The following STK32A variants were observed in gnomAD, a reference collection of about 807,000 sequenced individuals.
STK32A encodes the protein serine/threonine kinase 32A, also known as serine/threonine-protein kinase 32A.
A neutral mutation model predicts 53.2 loss-of-function variants in STK32A; 41 were observed. That is an observed-to-expected ratio of 0.77 (90% CI 0.60 to 1.00). The LOEUF (loss-of-function observed/expected upper bound fraction) is 1.00. STK32A is among the 50% of genes least tolerant of loss of function. The probability of loss-of-function intolerance (pLI) is 0.00; values close to 1 mark genes in which losing one functional copy is unlikely to be tolerated. For synonymous variants in STK32A, 166 were observed against 162.8 expected, an observed-to-expected ratio of 1.02 and a Z score of -0.15; for missense variants, 458 against 485.8, an observed-to-expected ratio of 0.94 and a Z score of 0.54.
At chr5:147,342,554 A>G (rs540740029) in intron 5 of STK32A, 1 of 158,542 alleles carries the variant, frequency 6.3e-6, no homozygotes, top group Non-Finnish European at 1.4e-5. Flanking sequence ...TAACTACATT[A>G]TCAACCATAT....
At chr5:147,328,212 T>A (rs1754695993) in intron 5 of STK32A, among the ~76,000 whole-genome samples, 1 of 152,198 alleles carries the variant, frequency 6.6e-6, no homozygotes, top group Non-Finnish European at 1.5e-5. Flanking sequence ...TCCTCACTTG[T>A]TTCCCTGTGT....
At chr5:147,248,121 CAAA>C (rs34098316) in intron 2 of STK32A, among the ~76,000 whole-genome samples, 10,358 of 80,014 alleles carry the variant, frequency 0.13, 448 homozygotes, top group African/African-American at 0.19. Flanking sequence ...AACTCCGTCT[CAAA>C]AAAAAAAAAA....
intron 5 of STK32A, among the ~76,000 whole-genome samples, chr5:147,337,905 T>C (rs533867171): frequency 3.9e-5 from 6 of 152,094 alleles, no homozygotes; most frequent in Non-Finnish European, 8.8e-5. Context: ...GCTGTAGTTA[T>C]GAAAAGGAGA....
chr5:147,338,757 AT>A (rs985456325), intron 5 of STK32A, among the ~76,000 whole-genome samples: 2 of 152,164 alleles, frequency 1.3e-5, no homozygotes, highest in Non-Finnish European at 2.9e-5. Flanking sequence ...GACTGGTGAC[AT>A]TTTTCCCCTG....
Position 147,239,666 on chromosome 5 carries a change from T to C in STK32A, c.32T>C (p.Val11Ala), listed in dbSNP as rs763381833. 50 of 1,608,748 alleles carry C rather than the reference T, an allele frequency of 3.1e-5. No homozygotes were observed. The highest frequency in any genetic ancestry group is 3.1e-5 in the Non-Finnish European group (36 of 1,177,632). The change falls in exon 2 of 13, where the codon GTG (valine) becomes GCG (alanine). Residue 11 changes from valine to alanine, a missense_variant. By Grantham distance (64) the Val-to-Ala change is moderately conservative (BLOSUM62 0). Transcript: ENST00000397936. Reference sequence around the variant, plus strand: ...GCGAACACTTCAAGAAAACCACCAGTGTTTGATGAAAATGAAGATGGTAAG... The same window carrying C: ...GCGAACACTTCAAGAAAACCACCAGCGTTTGATGAAAATGAAGATGGTAAG... MGANTSRKPP[V>A]FDENEDVNFD...
chr5:147,396,674 T>C, the STK32A span, among the ~76,000 whole-genome samples: 1 of 152,010 alleles, frequency 6.6e-6, no homozygotes, highest in African/African-American at 2.4e-5. Flanking sequence ...AACCAAGAAC[T>C]CTACATCATC....
chr5:147,388,245 A>G (rs1757723338), downstream of STK32A, among the ~76,000 whole-genome samples: 1 of 152,154 alleles, frequency 6.6e-6, no homozygotes, highest in Non-Finnish European at 1.5e-5. Context: ...AGCAGCAGGC[A>G]GAAGTTCTAA....
At chr5:147,268,217 T>C (rs1045914791) in intron 2 of STK32A, among the ~76,000 whole-genome samples, 10 of 152,326 alleles carry the variant, frequency 6.6e-5, no homozygotes, top group Admixed American at 1.3e-4. Context: ...GTTTCATCTC[T>C]TTTCCTGAGA....
chr5:147,355,790 GTGTA>G (rs952976510), intron 7 of STK32A, among the ~76,000 whole-genome samples: 9 of 137,778 alleles, frequency 6.5e-5, no homozygotes, highest in African/African-American at 1.3e-4. Flanking sequence ...GAGTGTGTGT[GTGTA>G]TATATATATA....
intron 2 of STK32A, among the ~76,000 whole-genome samples, chr5:147,270,355 G>A: frequency 6.6e-6 from 1 of 151,634 alleles, no homozygotes; most frequent in East Asian, 2.0e-4. Flanking sequence ...TGGGACCACA[G>A]GCATGCATCA....
intron 11 of STK32A, chr5:147,383,148 CAAG>C (rs1757518240): frequency 2.5e-6 from 1 of 404,546 alleles, no homozygotes. Context: ...CTTTGCCACC[CAAG>C]CCTTCCCTGA....
At chr5:147,268,830 G>A (rs906404002) in intron 2 of STK32A, among the ~76,000 whole-genome samples, 4 of 152,174 alleles carry the variant, frequency 2.6e-5, no homozygotes, top group African/African-American at 9.7e-5. Flanking sequence ...GTGGTTGATG[G>A]GATCTGAGTT....
intron 11 of STK32A, among the ~76,000 whole-genome samples, chr5:147,376,206 C>A (rs1757224295): frequency 6.6e-6 from 1 of 152,166 alleles, no homozygotes; most frequent in African/African-American, 2.4e-5. Context: ...GGACAATTAA[C>A]CAACGTTCAC....
intron 5 of STK32A, among the ~76,000 whole-genome samples, chr5:147,326,727 A>G (rs979608078): frequency 6.6e-6 from 1 of 152,194 alleles, no homozygotes; most frequent in African/African-American, 2.4e-5. Flanking sequence ...TGGTCTTTAC[A>G]TTAATCATGT....
chr5:147,395,596 A>C, the STK32A span: 1 of 1,613,814 alleles, frequency 6.2e-7, no homozygotes, highest in Middle Eastern at 1.6e-4. Flanking sequence ...GATTCCTCAC[A>C]GGTGGGTTCG....
chr5:147,332,727 A>C (rs1378109555), intron 5 of STK32A, among the ~76,000 whole-genome samples: 1 of 152,184 alleles, frequency 6.6e-6, no homozygotes, highest in Admixed American at 6.5e-5. Flanking sequence ...CTCAAAACAA[A>C]ACGGCAGTGC....
chr5:147,393,713 C>A, the STK32A span: 14 of 242,798 alleles, frequency 5.8e-5, no homozygotes, highest in Non-Finnish European at 1.1e-4. Context: ...TGTCTGTCCC[C>A]TTGTCATAAG....
At chr5:147,288,989 T>C (rs1010303837) in intron 4 of STK32A, among the ~76,000 whole-genome samples, 2 of 152,182 alleles carry the variant, frequency 1.3e-5, no homozygotes, top group African/African-American at 2.4e-5. Context: ...TTTCCTTCCT[T>C]ACTTCATGAA....
intron 2 of STK32A, among the ~76,000 whole-genome samples, chr5:147,265,138 A>T (rs1754748270): frequency 7.8e-6 from 1 of 127,984 alleles, no homozygotes; most frequent in Admixed American, 8.3e-5. Flanking sequence ...AATTTTATAT[A>T]TTTTTATATA....
Sources: gnomAD v4.1 joint callset for allele counts (sites outside exome capture counted in the v4.1 genomes callset) on GRCh38, gnomAD v4.1.1 for gene constraint, MANE v1.5 for transcripts, NCBI Gene and HGNC (gene_info 2026-07-23, HGNC 2026-07-21) for gene names.